The following DPYSL2 variants were observed in gnomAD, a reference collection of about 807,000 sequenced individuals.
DPYSL2 encodes dihydropyrimidinase-related protein 2.
DPYSL2 carries 13 observed loss-of-function variants against 69.9 expected under a neutral mutation model. The observed-to-expected ratio is 0.19, with a 90% CI of 0.12 to 0.30. The LOEUF (loss-of-function observed/expected upper bound fraction) is 0.30. Ranked by LOEUF, DPYSL2 falls within the 10% of genes least tolerant of loss-of-function variation. The pLI is 1.00. For missense variants in DPYSL2, 587 were observed against 918.9 expected (o/e 0.64, Z 4.67); for synonymous variants, 326 against 359.1 (o/e 0.91, Z 1.04).
intron 13 of DPYSL2, among the ~76,000 whole-genome samples, chr8:26,655,161 C>G (rs1163054064): frequency 1.3e-5 from 2 of 152,060 alleles, no homozygotes; most frequent in African/African-American, 4.8e-5. Flanking sequence ...CTCTCCACCT[C>G]CCTTCTGTAG....
At chr8:26,581,114 G>C (rs1417294999) in intron 1 of DPYSL2, among the ~76,000 whole-genome samples, 2 of 152,112 alleles carry the variant, frequency 1.3e-5, no homozygotes, top group African/African-American at 2.4e-5. Context: ...CGTATTTTTT[G>C]TAGTCTTTTT....
chr8:26,526,463 A>G (rs1808479394), intron 1 of DPYSL2, among the ~76,000 whole-genome samples: 1 of 152,068 alleles, frequency 6.6e-6, no homozygotes, highest in Admixed American at 6.6e-5. Flanking sequence ...TTTTCCATTG[A>G]TTCTTTTTAG....
rs149863847 is a variant in DPYSL2 at position 26,652,398 on chromosome 8, C to G, written c.1738C>G (p.Pro580Ala). ...SGRYIPRKPF[P>A]DFVYKRIKAR... Reference sequence around the variant, plus strand: ...ACGCTACATTCCCCGGAAGCCCTTCCCTGATTTTGTTTACAAGCGTATCAA... The same window carrying G: ...ACGCTACATTCCCCGGAAGCCCTTCGCTGATTTTGTTTACAAGCGTATCAA... Residue 580 changes from proline to alanine, a missense_variant, in exon 12 of 14, where the codon CCT (proline) becomes GCT (alanine). By Grantham distance (27) the Pro-to-Ala change is conservative (BLOSUM62 -1). This residue lies in a region of DPYSL2 where 452 missense variants were observed against 754.3 expected (regional missense o/e 0.60). Transcript: ENST00000521913. The surrounding 1 kb of genome is among the most constrained non-coding windows in gnomAD (Gnocchi z 6.3). 98 of 1,613,922 alleles carry G rather than the reference C, an allele frequency of 6.1e-5. No homozygotes were observed. The highest frequency in any genetic ancestry group is 2.8e-4 in the Admixed American group (17 of 59,996).
rs1316979161 is a variant in DPYSL2 at position 26,624,496 on chromosome 8, G to C, written c.793+189G>C. Among the ~76,000 whole-genome samples, 1 of 152,216 alleles carries C rather than the reference G, an allele frequency of 6.6e-6. No homozygotes were observed. Among genetic ancestry groups the C allele is most frequent in the East Asian group, 1.9e-4 (1 of 5,192 alleles). On this transcript the variant is annotated intron_variant, in intron 4 of 13. Coordinates refer to ENST00000521913, the MANE Select transcript of DPYSL2 (RefSeq NM_001197293.3). This position sits in a 1 kb window ranked among gnomAD's most constrained non-coding sequence, Gnocchi z 4.7. ...TTTGGAGGTGGCCTTACCCAGTGCAGTAACATGAGCCTTCATTGATGATAA... is the reference window on the plus strand; with the variant it reads ...TTTGGAGGTGGCCTTACCCAGTGCACTAACATGAGCCTTCATTGATGATAA...
intron 1 of DPYSL2, among the ~76,000 whole-genome samples, chr8:26,536,797 A>G (rs1331231436): frequency 6.6e-6 from 1 of 152,226 alleles, no homozygotes; most frequent in Non-Finnish European, 1.5e-5. Flanking sequence ...TTAAGGAAGC[A>G]TACCAGAGAC....
chr8:26,599,046 A>G (rs913689222), intron 3 of DPYSL2, among the ~76,000 whole-genome samples: 3 of 152,256 alleles, frequency 2.0e-5, no homozygotes, highest in African/African-American at 4.8e-5. Flanking sequence ...CCTGTTGTCC[A>G]TCTTAGTCCT....
At chr8:26,577,736 G>A in intron 1 of DPYSL2, 3 of 901,564 alleles carry the variant, frequency 3.3e-6, no homozygotes, top group South Asian at 1.0e-4. Context: ...CTCCCAGCGC[G>A]GGCGCTCGCG....
rs772004036 is a variant in DPYSL2, at chr8:26,514,531, G to T, written c.206G>T (p.Arg69Leu). The change falls in exon 1 of 14, where the codon CGG becomes CTG. Residue 69 changes from arginine to leucine, a missense_variant. Around this residue, in one of 3 missense-constraint regions of DPYSL2, gnomAD observed 85 missense variants for 77.7 expected, o/e 1.09. Coordinates refer to ENST00000521913, the MANE Select transcript of DPYSL2 (RefSeq NM_001197293.3). The surrounding 1 kb of genome is among the most constrained non-coding windows in gnomAD (Gnocchi z 8.4). ...TCGGGGCAGGTGGTGGCTCAGCAGC[G>T]GGACGTCGCCCACTTGGGCCCGGAC... is the stretch of plus-strand genomic sequence containing the variant. ...RGSGQVVAQQ[R>L]DVAHLGPDPQ... 1 of 1,529,986 alleles carries T rather than the reference G, an allele frequency of 6.5e-7. No individual in the cohort carries two copies. 94.8% of individuals were successfully genotyped at this position (1,529,986 alleles called of 1,614,324 possible).
At chr8:26,568,485 G>A (rs1801186874) in intron 1 of DPYSL2, among the ~76,000 whole-genome samples, 1 of 152,082 alleles carries the variant, frequency 6.6e-6, no homozygotes, top group African/African-American at 2.4e-5. Flanking sequence ...GAGTAAGGAG[G>A]GCAGAAAGAG....
intron 1 of DPYSL2, among the ~76,000 whole-genome samples, chr8:26,573,106 G>A (rs892701843): frequency 5.9e-5 from 9 of 152,180 alleles, no homozygotes; most frequent in Non-Finnish European, 1.0e-4. Flanking sequence ...TAGTGGAGGC[G>A]GAGCTTAAAA....
intron 1 of DPYSL2, among the ~76,000 whole-genome samples, chr8:26,537,611 T>TACACACACACACACACAC (rs56080102): frequency 0.081 from 12,019 of 147,526 alleles, 562 homozygotes; most frequent in South Asian, 0.14. Flanking sequence ...ATTCTCTCTC[T>TACACACACACACACACAC]ACACACACAC....
rs1289964585 is a variant in DPYSL2 at position 26,656,063 on chromosome 8, G to A, written c.*357G>A. The A allele has an allele frequency of 4.8e-6, 1 of 207,614 alleles. No homozygotes were observed. The highest frequency in any genetic ancestry group is 9.5e-6 in the Non-Finnish European group (1 of 105,076). 12.9% of individuals were successfully genotyped at this position (207,614 alleles called of 1,614,324 possible). ...TGTCTGTTAGCATCTTCCTTTTCAT[G>A]GGGGGAGGGAAGATAAAGTGAATTG... On this transcript the variant is annotated 3_prime_UTR_variant, in exon 14 of 14. Coordinates refer to ENST00000521913, the MANE Select transcript of DPYSL2 (RefSeq NM_001197293.3).
In DPYSL2 at chr8:26,585,865, A is replaced by G. The variant is rs373741894; in HGVS notation, c.628+1882A>G. 2.6e-5 allele frequency among the ~76,000 whole-genome samples: 4 copies of G among 152,224 alleles called. No homozygotes were observed. Among genetic ancestry groups the G allele is most frequent in the Admixed American group, 2.0e-4 (3 of 15,286 alleles). ...CATGGTTCATGCCTGTAATTCCAGC[A>G]CTTTGGGAGCCTGAGGTGGGTGGAT... On this transcript the variant is annotated intron_variant, in intron 3 of 13. Coordinates refer to ENST00000521913, the MANE Select transcript of DPYSL2 (RefSeq NM_001197293.3). The surrounding 1 kb of genome is among the most constrained non-coding windows in gnomAD (Gnocchi z 4.0).
In DPYSL2 at chr8:26,598,645, T is replaced by G. The variant is rs533394083; in HGVS notation, c.628+14662T>G. Among the ~76,000 whole-genome samples, 1 of 152,286 alleles carries G rather than the reference T, an allele frequency of 6.6e-6. No individual in the cohort carries two copies. Among genetic ancestry groups the G allele is most frequent in the South Asian group, 2.1e-4 (1 of 4,824 alleles). ...CATTTGATCATTTTTTCCCGTTAGC[T>G]TACAGCACAAAGTACTTTGAAATAA... On this transcript the variant is annotated intron_variant, in intron 3 of 13. Coordinates refer to ENST00000521913, the MANE Select transcript of DPYSL2 (RefSeq NM_001197293.3). This position sits in a 1 kb window ranked among gnomAD's most constrained non-coding sequence, Gnocchi z 4.2.
At chr8:26,532,030 G>GT (rs1410695719) in intron 1 of DPYSL2, among the ~76,000 whole-genome samples, 1 of 152,092 alleles carries the variant, frequency 6.6e-6, no homozygotes, top group East Asian at 1.9e-4. Context: ...TTTGCTTTTG[G>GT]TAAGATGTGG....
At chr8:26,526,368 C>T (rs1183372342) in intron 1 of DPYSL2, among the ~76,000 whole-genome samples, 1 of 152,182 alleles carries the variant, frequency 6.6e-6, no homozygotes, top group Non-Finnish European at 1.5e-5. Flanking sequence ...GCTGGGATTA[C>T]AGGAGTGAGC....
chr8:26,556,586 CA>C (rs1800992146), intron 1 of DPYSL2, among the ~76,000 whole-genome samples: 1 of 150,498 alleles, frequency 6.6e-6, no homozygotes, highest in South Asian at 2.1e-4. Flanking sequence ...CTATTGTGTA[CA>C]AAAAATACTT....
In DPYSL2 at chr8:26,653,415, G is replaced by A. The variant is rs1803319326; in HGVS notation, c.1942+18G>A. ...TTTGTCTGGTAGGGTTGGGGCTTGG[G>A]GAGGGCACAGTTCTGCAGGGCCAGC... On this transcript the variant is annotated intron_variant, in intron 13 of 13. Transcript: ENST00000521913. The surrounding 1 kb of genome is among the most constrained non-coding windows in gnomAD (Gnocchi z 5.7). 1 of 1,607,804 alleles carries A rather than the reference G, an allele frequency of 6.2e-7. No homozygotes were observed. Among genetic ancestry groups the A allele is most frequent in the Non-Finnish European group, 8.5e-7 (1 of 1,176,596 alleles).
Position 26,533,707 on chromosome 8 carries a change from CG to C in DPYSL2, c.354+19031del, listed in dbSNP as rs1365405631. Among the ~76,000 whole-genome samples the C allele has an allele frequency of 5.9e-5, 9 of 152,176 alleles. No individual in the cohort carries two copies. Among genetic ancestry groups the C allele is most frequent in the Admixed American group, 3.3e-4 (5 of 15,280 alleles). On this transcript the variant is annotated intron_variant, in intron 1 of 13. Coordinates refer to ENST00000521913, the MANE Select transcript of DPYSL2 (RefSeq NM_001197293.3). The surrounding 1 kb of genome is among the most constrained non-coding windows in gnomAD (Gnocchi z 4.8). ...ACCACTGGTGCCAAAAAGGCTGCAT[CG>C]GGAGTGAAGTCAATGACCACAGCTG...
Sources: gnomAD v4.1 joint callset for allele counts (sites outside exome capture counted in the v4.1 genomes callset) on GRCh38, gnomAD v4.1.1 for gene constraint, gnomAD v4.1.1 regional missense constraint, Gnocchi (gnomAD v3.1) non-coding constraint, MANE v1.5 for transcripts, NCBI Gene and HGNC (gene_info 2026-07-23, HGNC 2026-07-21) for gene names.